SPACA1: variants seen among roughly 807,000 people sequenced by gnomAD.
The protein encoded by SPACA1 is sperm acrosome membrane-associated protein 1.
SPACA1 carries 17 observed loss-of-function variants against 32.6 expected under a neutral mutation model. That is an observed-to-expected ratio of 0.52 (90% CI 0.36 to 0.78). The LOEUF (loss-of-function observed/expected upper bound fraction) is 0.78. Among genes scored for constraint, SPACA1 ranks in the 30% least tolerant of loss-of-function variants. The pLI, the probability that SPACA1 is intolerant of heterozygous loss-of-function variation, is 0.01. For synonymous variants in SPACA1, 140 were observed against 138.1 expected, an observed-to-expected ratio of 1.01 and a Z score of -0.10; for missense variants, 363 against 373.4, an observed-to-expected ratio of 0.97 and a Z score of 0.23.
At chr6:88,048,232 C>A in intron 1 of SPACA1, 119 bp downstream of exon 1, 2 of 1,080,768 alleles carry the variant, frequency 1.9e-6, no homozygotes, top group Non-Finnish European at 2.6e-6. Context: ...CTCTCTCATA[C>A]TTCAGCCCCG....
At chr6:88,056,567 C>G (rs1421121274) in intron 2 of SPACA1, among the ~76,000 whole-genome samples, 1 of 152,180 alleles carries the variant, frequency 6.6e-6, no homozygotes, top group Non-Finnish European at 1.5e-5. Context: ...TCAAGAACAG[C>G]TGAATCAAAA....
chr6:88,052,812 G>A (rs1775748940), intron 1 of SPACA1, among the ~76,000 whole-genome samples: 1 of 152,108 alleles, frequency 6.6e-6, no homozygotes, highest in South Asian at 2.1e-4. Context: ...ACTCCAGCCT[G>A]GGCAACAGAG....
intron 5 of SPACA1, among the ~76,000 whole-genome samples, chr6:88,061,513 G>T (rs1369848513): frequency 6.6e-6 from 1 of 151,984 alleles, no homozygotes; most frequent in Admixed American, 6.6e-5. Context: ...CAGAGAAACA[G>T]ACATAGGGAG....
At chr6:88,055,838 G>A (rs1303434816) in intron 2 of SPACA1, among the ~76,000 whole-genome samples, 2 of 152,122 alleles carry the variant, frequency 1.3e-5, no homozygotes, top group Non-Finnish European at 2.9e-5. Flanking sequence ...GGGTGCGGTG[G>A]CACATACCTG....
chr6:88,050,301 C>A (rs1023779590), intron 1 of SPACA1, among the ~76,000 whole-genome samples: 5 of 152,166 alleles, frequency 3.3e-5, no homozygotes, highest in Non-Finnish European at 5.9e-5. Flanking sequence ...ATATTCTTTT[C>A]ATCCCCAGAA....
At position 88,048,010 on chromosome 6, in the gene SPACA1, C is replaced by A; in HGVS notation, c.105C>A (p.Ala35=). 3 of 1,590,734 alleles carry A rather than the reference C, an allele frequency of 1.9e-6. No homozygotes were observed. The highest frequency in any genetic ancestry group is 1.3e-5 in the African/African-American group (1 of 74,900). The change falls in exon 1 of 7, where the codon GCC becomes GCA. Residue 35 remains alanine (A), a synonymous_variant. Transcript: ENST00000237201. ...QSARGTNVTA[A]VQDAGLAHEG... is the part of the protein sequence containing the mutation. ...CGCGCGGGACCAACGTCACCGCTGC[C>A]GTCCAGGATGCCGGCCTGGCCCACG...
chr6:88,050,438 A>G (rs1582266848), intron 1 of SPACA1, among the ~76,000 whole-genome samples: 2 of 152,312 alleles, frequency 1.3e-5, no homozygotes, highest in Middle Eastern at 6.8e-3. Context: ...TTAGCATCCA[A>G]AGTGCTGTTA....
intron 1 of SPACA1, among the ~76,000 whole-genome samples, chr6:88,052,333 G>A (rs942079381): frequency 2.0e-5 from 3 of 152,104 alleles, no homozygotes; most frequent in Admixed American, 1.3e-4. Flanking sequence ...TTTAAAAGTA[G>A]TGCAGCACTC....
intron 1 of SPACA1, among the ~76,000 whole-genome samples, chr6:88,049,175 G>A (rs1159255424): frequency 6.6e-6 from 1 of 152,108 alleles, no homozygotes; most frequent in Non-Finnish European, 1.5e-5. Context: ...AAGATGACTA[G>A]GAAAGAAGAG....
At chr6:88,058,612 C>T in intron 3 of SPACA1, 104 bp from the exon 4 acceptor site, 1 of 741,910 alleles carries the variant, frequency 1.3e-6, no homozygotes, top group East Asian at 2.8e-5. Flanking sequence ...CTACTCCAGC[C>T]TGGGTGACAG....
intron 6 of SPACA1, among the ~76,000 whole-genome samples, chr6:88,064,723 G>A (rs1459754891): frequency 2.0e-5 from 3 of 148,820 alleles, no homozygotes; most frequent in Non-Finnish European, 4.5e-5. Flanking sequence ...TAATATATAT[G>A]TTTTATATAT....
At chr6:88,046,908 C>CTAGA (rs1775645944), upstream of SPACA1, among the ~76,000 whole-genome samples, 1 of 152,166 alleles carries the variant, frequency 6.6e-6, no homozygotes, top group Non-Finnish European at 1.5e-5. Flanking sequence ...TCTGCTGAGA[C>CTAGA]TAGATATTCA....
chr6:88,053,119 T>G (rs1256377855), intron 1 of SPACA1, among the ~76,000 whole-genome samples: 3 of 152,238 alleles, frequency 2.0e-5, no homozygotes, highest in Non-Finnish European at 4.4e-5. Context: ...CCTGACAGCA[T>G]TTAATTAAAT....
intron 3 of SPACA1, 47 bp from the exon 4 acceptor site, chr6:88,058,669 G>A (rs1562479712): frequency 4.4e-6 from 6 of 1,356,376 alleles, no homozygotes; most frequent in South Asian, 2.5e-5. Context: ...CGTGTATAAA[G>A]CAATTTATAA....
In SPACA1 at chr6:88,066,347, T is replaced by G; in HGVS notation, c.*12T>G. On this transcript the variant is annotated 3_prime_UTR_variant, in exon 7 of 7. Coordinates refer to ENST00000237201, the MANE Select transcript of SPACA1 (RefSeq NM_030960.3). ...AATGGAATGAATGATGTTTGAATGA[T>G]ATATAACAAACCAAAGGATATTACA... is the stretch of plus-strand genomic sequence containing the variant. 6.3e-7 allele frequency: 1 copy of G among 1,594,280 alleles called. No homozygotes were observed. The highest frequency in any genetic ancestry group is 1.7e-5 in the Admixed American group (1 of 57,368).
At chr6:88,064,439 T>A (rs1485968050) in intron 6 of SPACA1, 1 of 292,628 alleles carries the variant, frequency 3.4e-6, no homozygotes, top group African/African-American at 2.2e-5. Flanking sequence ...TCTCCAACTA[T>A]GAGAGAGCTT....
At position 88,047,934 on chromosome 6, in the gene SPACA1, C is replaced by T; in HGVS notation, c.29C>T (p.Ala10Val). The change falls in exon 1 of 7, where the codon GCC (alanine) becomes GTC (valine). Residue 10 changes from alanine (A) to valine (V), a missense_variant. Coordinates refer to ENST00000237201, the MANE Select transcript of SPACA1 (RefSeq NM_030960.3). MSPRGTGCS[A>V]GLLMTVGWLL... ...AGCCCCAGGGGCACGGGCTGCTCCG[C>T]CGGGCTGCTGATGACTGTCGGCTGG... The T allele has an allele frequency of 6.4e-7, 1 of 1,564,266 alleles. No individual in the cohort carries two copies. The highest frequency in any genetic ancestry group is 8.7e-7 in the Non-Finnish European group (1 of 1,155,390).
chr6:88,064,164 G>A lies in SPACA1; in HGVS notation c.676G>A (p.Gly226Arg). 6 of 1,613,222 alleles carry A rather than the reference G, an allele frequency of 3.7e-6. No individual in the cohort carries two copies. The highest frequency in any genetic ancestry group is 5.1e-6 in the Non-Finnish European group (6 of 1,179,508). ...AGCCCTAATTTTTGTGCTGACCATAGGAGTCATTATCTGTGTATTTATAAT... is the reference window on the plus strand; with the variant it reads ...AGCCCTAATTTTTGTGCTGACCATAAGAGTCATTATCTGTGTATTTATAAT... The part of the protein sequence containing the change: ...DAALIFVLTI[G>R]VIICVFIIFL... Residue 226 changes from glycine to arginine, a missense_variant, in exon 6 of 7, where the codon GGA becomes AGA. Transcript: ENST00000237201.
In SPACA1 at chr6:88,062,763, A is replaced by G. The variant is rs190058598; in HGVS notation, c.611-1336A>G. 1.2e-4 allele frequency among the ~76,000 whole-genome samples: 19 copies of G among 152,278 alleles called. No individual in the cohort carries two copies. The East Asian group carries it at 3.7e-3, about 29-fold the overall frequency. ...CAGGAGTTCAAGGCCAGCCTGGGCA[A>G]TATAGCAAGACCCCATTTCCTAAAG... is the stretch of plus-strand genomic sequence containing the variant. On this transcript the variant is annotated intron_variant, in intron 5 of 6. Coordinates refer to ENST00000237201, the MANE Select transcript of SPACA1 (RefSeq NM_030960.3).
Sources: allele counts gnomAD v4.1 joint callset (sites outside exome capture counted in the v4.1 genomes callset), GRCh38; gene constraint gnomAD v4.1.1; transcripts MANE v1.5; gene names NCBI Gene and HGNC (gene_info 2026-07-23, HGNC 2026-07-21).